The following RCSD1 variants were observed in gnomAD, a reference collection of about 807,000 sequenced individuals.
The protein encoded by RCSD1 is RCSD domain containing 1.
A neutral mutation model predicts 42.5 loss-of-function variants in RCSD1; 26 were observed. The ratio of observed to expected loss-of-function variants is 0.61; its 90% CI spans 0.45 to 0.85. The LOEUF (loss-of-function observed/expected upper bound fraction) is 0.85. Ranked by LOEUF, RCSD1 falls within the 40% of genes least tolerant of loss-of-function variation. RCSD1 has a pLI of 0.00. For missense variants in RCSD1, 571 were observed against 528.3 expected (o/e 1.08, Z -0.79); for synonymous variants, 220 against 212.2 (o/e 1.04, Z -0.32).
Position 167,630,434 on chromosome 1 carries a change from A to G in RCSD1, c.6+5A>G. 6.5e-7 allele frequency: 1 copy of G among 1,539,166 alleles called. No homozygotes were observed. The highest frequency in any genetic ancestry group is 8.8e-7 in the Non-Finnish European group (1 of 1,140,972). ...CGGCACCTGAAGGACATGGAGGTAAAGGACCCCGGAGGGAGACGCGGGGCT... is the reference window on the plus strand; with the variant it reads ...CGGCACCTGAAGGACATGGAGGTAAGGGACCCCGGAGGGAGACGCGGGGCT... On this transcript the variant is annotated splice_donor_5th_base_variant and intron_variant, in intron 1 of 6. Coordinates refer to ENST00000367854, the MANE Select transcript of RCSD1 (RefSeq NM_052862.4).
chr1:167,698,768 C>CTTTT (rs1659562447), intron 6 of RCSD1, among the ~76,000 whole-genome samples: 2 of 151,646 alleles, frequency 1.3e-5, no homozygotes, highest in African/African-American at 4.9e-5. Flanking sequence ...ACAGTAGCCT[C>CTTTT]TTTGTTTGTT....
intron 3 of RCSD1, among the ~76,000 whole-genome samples, chr1:167,688,855 C>T (rs957708288): frequency 1.3e-5 from 2 of 152,190 alleles, no homozygotes; most frequent in Non-Finnish European, 2.9e-5. Context: ...GGAGATCCCT[C>T]CTCTGCCTTG....
At chr1:167,641,834 C>G (rs184640038) in intron 1 of RCSD1, 1 of 152,324 alleles carries the variant, frequency 6.6e-6, no homozygotes, top group Non-Finnish European at 1.5e-5. Context: ...TCTGAAAAGG[C>G]AGTGAGTAAA....
chr1:167,696,809 T>C (rs1183755138), intron 5 of RCSD1, among the ~76,000 whole-genome samples: 1 of 152,196 alleles, frequency 6.6e-6, no homozygotes, highest in Non-Finnish European at 1.5e-5. Flanking sequence ...AACTGATTAA[T>C]GTTTTACAGT....
chr1:167,660,477 T>G (rs1658517016), intron 1 of RCSD1, among the ~76,000 whole-genome samples: 1 of 147,702 alleles, frequency 6.8e-6, no homozygotes, highest in African/African-American at 2.5e-5. Flanking sequence ...ACTGTTTTGT[T>G]TTTTTTTTTT....
At chr1:167,694,683 G>A (rs1235072803) in intron 5 of RCSD1, among the ~76,000 whole-genome samples, 1 of 152,212 alleles carries the variant, frequency 6.6e-6, no homozygotes, top group Non-Finnish European at 1.5e-5. Context: ...TGCACAGAAT[G>A]CTGGGCAGCA....
intron 1 of RCSD1, among the ~76,000 whole-genome samples, chr1:167,669,681 C>T (rs1213102818): frequency 1.3e-5 from 2 of 152,184 alleles, no homozygotes; most frequent in Non-Finnish European, 2.9e-5. Flanking sequence ...ATTTCTTCTG[C>T]GTGTGACCTG....
At position 167,694,227 on chromosome 1, in the gene RCSD1, G is replaced by A. The variant is rs1558092730; in HGVS notation, c.399G>A (p.Arg133=). 11 of 1,614,150 alleles carry A rather than the reference G, an allele frequency of 6.8e-6. No individual in the cohort carries two copies. The highest frequency in any genetic ancestry group is 9.3e-6 in the Non-Finnish European group (11 of 1,180,032). The part of the protein sequence containing the change: ...STPSSPGVRS[R]PSEAEEVPVS... ...CCAGCAGCCCTGGTGTGCGATCTAG[G>A]CCCAGCGAGGCAGAGGAGGTGCCTG... is the stretch of plus-strand genomic sequence containing the variant. The change falls in exon 5 of 7, where the codon AGG becomes AGA. Residue 133 remains arginine, a synonymous_variant. Transcript: ENST00000367854.
chr1:167,682,524 T>C (rs140508303), intron 1 of RCSD1, among the ~76,000 whole-genome samples: 45 of 152,260 alleles, frequency 3.0e-4, no homozygotes, highest in African/African-American at 4.8e-4. Flanking sequence ...CTGCTGGAAG[T>C]GGCTGGGAGG....
chr1:167,704,864 A>G lies in RCSD1; in HGVS notation c.*168A>G, dbSNP rs556556191. The stretch of plus-strand genomic sequence containing the variant: ...GGATTATTTCCTGGCCTCCACACCA[A>G]ACGTTCCCTTGCAGATGGAGACTGA... On this transcript the variant is annotated 3_prime_UTR_variant, in exon 7 of 7. Transcript: ENST00000367854. The G allele has an allele frequency of 1.6e-5, 10 of 614,048 alleles. No homozygotes were observed. Among genetic ancestry groups the G allele is most frequent in the Admixed American group, 2.6e-5 (1 of 37,974 alleles). 38.0% of individuals were successfully genotyped at this position (614,048 alleles called of 1,614,324 possible).
intron 6 of RCSD1, among the ~76,000 whole-genome samples, chr1:167,700,486 A>C (rs1659612533): frequency 6.6e-6 from 1 of 151,856 alleles, no homozygotes; most frequent in East Asian, 1.9e-4. Flanking sequence ...GTCTCTACTA[A>C]AAATACAAAA....
intron 6 of RCSD1, among the ~76,000 whole-genome samples, chr1:167,702,044 G>T (rs748172551): frequency 3.3e-5 from 5 of 152,168 alleles, no homozygotes; most frequent in Non-Finnish European, 5.9e-5. Context: ...ACTAATTATG[G>T]TTGCATTCAT....
intron 1 of RCSD1, among the ~76,000 whole-genome samples, chr1:167,661,389 C>T (rs559100550): frequency 5.9e-5 from 9 of 152,352 alleles, no homozygotes; most frequent in African/African-American, 1.7e-4. Flanking sequence ...TGTGCTTGGA[C>T]GTTAGGCTGA....
At position 167,646,729 on chromosome 1, in the gene RCSD1, T is replaced by A. The variant is rs150776225; in HGVS notation, c.6+16300T>A. ...GACTCTCCTTTGTGTGACCCCCTCCTTTCCAGAGCTCTTTCTCAAGCTCAG... is the reference window on the plus strand; with the variant it reads ...GACTCTCCTTTGTGTGACCCCCTCCATTCCAGAGCTCTTTCTCAAGCTCAG... On this transcript the variant is annotated intron_variant, in intron 1 of 6. Coordinates refer to ENST00000367854, the MANE Select transcript of RCSD1 (RefSeq NM_052862.4). Among the ~76,000 whole-genome samples the A allele has an allele frequency of 2.0e-3, 307 of 152,270 alleles. 2 individuals carry two copies. Among genetic ancestry groups the A allele is most frequent in the African/African-American group, 7.0e-3 (290 of 41,570 alleles).
intron 1 of RCSD1, among the ~76,000 whole-genome samples, chr1:167,679,814 CAGAGCCTAGGAAGCAGGT>C (rs1659036272): frequency 6.6e-6 from 1 of 152,186 alleles, no homozygotes; most frequent in Non-Finnish European, 1.5e-5. Context: ...AGAGACAGGG[CAGAGCCTAGGAAGCAGGT>C]AGAGCCTAGT....
chr1:167,642,378 G>C (rs1658028198), intron 1 of RCSD1, among the ~76,000 whole-genome samples: 1 of 152,126 alleles, frequency 6.6e-6, no homozygotes, highest in African/African-American at 2.4e-5. Flanking sequence ...CGGCTTTTGT[G>C]GTCGGAGATG....
rs548097939 is a variant in RCSD1, at chr1:167,655,525, A to G, written c.6+25096A>G. Among the ~76,000 whole-genome samples the G allele has an allele frequency of 2.9e-4, 44 of 152,276 alleles. 1 individual carries two copies. The South Asian group carries it at 7.3e-3, about 25-fold the overall frequency. On this transcript the variant is annotated intron_variant, in intron 1 of 6. Transcript: ENST00000367854. Reference sequence around the variant, plus strand: ...GAGATTATCAAAAAGTCTCCCTGCTATGACCTGCGTGTGCCATCCCAAACC... The same window carrying G: ...GAGATTATCAAAAAGTCTCCCTGCTGTGACCTGCGTGTGCCATCCCAAACC...
chr1:167,644,208 G>A (rs1350910734), intron 1 of RCSD1, among the ~76,000 whole-genome samples: 4 of 152,140 alleles, frequency 2.6e-5, no homozygotes, highest in South Asian at 4.1e-4. Context: ...GGCTGGGCAC[G>A]GTGGCTCACG....
intron 1 of RCSD1, among the ~76,000 whole-genome samples, chr1:167,670,901 C>T (rs1475100033): frequency 5.3e-5 from 8 of 152,272 alleles, no homozygotes; most frequent in South Asian, 4.1e-4. Flanking sequence ...TAACCATACC[C>T]CCATCCAGGC....
Sources: allele counts gnomAD v4.1 joint callset (sites outside exome capture counted in the v4.1 genomes callset), GRCh38; gene constraint gnomAD v4.1.1; transcripts MANE v1.5; gene names NCBI Gene and HGNC (gene_info 2026-07-23, HGNC 2026-07-21).